The following HDAC9 variants were observed in gnomAD, a reference collection of about 807,000 sequenced individuals.
HDAC9 encodes histone deacetylase 9.
HDAC9 carries 41 observed loss-of-function variants against 139.4 expected under a neutral mutation model. The ratio of observed to expected loss-of-function variants is 0.29; its 90% CI spans 0.23 to 0.38. The LOEUF is 0.38. Among genes scored for constraint, HDAC9 ranks in the 10% least tolerant of loss-of-function variants. HDAC9 has a pLI of 1.00. For missense variants in HDAC9, 1,147 were observed against 1,297.0 expected, an observed-to-expected ratio of 0.88 and a Z score of 1.78; for synonymous variants, 517 against 476.2, an observed-to-expected ratio of 1.09 and a Z score of -1.12.
intron 2 of HDAC9, among the ~76,000 whole-genome samples, chr7:18,556,365 T>C (rs1274349003): frequency 6.6e-6 from 1 of 152,092 alleles, no homozygotes; most frequent in Non-Finnish European, 1.5e-5. Context: ...TCAATAATTA[T>C]CCATTGAGCA....
At chr7:18,243,884 G>A (rs964611227) in intron 2 of HDAC9, among the ~76,000 whole-genome samples, 9 of 152,202 alleles carry the variant, frequency 5.9e-5, no homozygotes, top group African/African-American at 1.9e-4. Flanking sequence ...AAGATGTTCA[G>A]GATTAGAAGG....
chr7:18,510,874 T>TA lies in HDAC9; in HGVS notation c.22+14551dup, dbSNP rs567626936. Reference sequence around the variant, plus strand: ...GAAAGGAATGGTATAGGGAATAAGATATAAATCTTTCAGGGTAGTCTTTTT... The same window carrying TA: ...GAAAGGAATGGTATAGGGAATAAGATAATAAATCTTTCAGGGTAGTCTTTTT... On this transcript the variant is annotated intron_variant, in intron 2 of 25. Transcript: ENST00000686413. 1.1e-3 allele frequency among the ~76,000 whole-genome samples: 172 copies of TA among 152,310 alleles called. 2 individuals are homozygous for TA. Among genetic ancestry groups the TA allele is most frequent in the Admixed American group, 0.011 (171 of 15,294 alleles).
chr7:18,954,372 C>T (rs1209558749), intron 24 of HDAC9, 142 bp downstream of exon 24: 4 of 653,664 alleles, frequency 6.1e-6, no homozygotes, highest in Non-Finnish European at 1.0e-5. Context: ...TAATGTGTTG[C>T]TCTTAATGCA....
At chr7:18,440,272 C>A (rs1791633759) in intron 1 of HDAC9, among the ~76,000 whole-genome samples, 1 of 151,478 alleles carries the variant, frequency 6.6e-6, no homozygotes. Context: ...GCAAACTCCG[C>A]CTCCCAGGTT....
chr7:18,857,632 T>A (rs1797789291), intron 21 of HDAC9, among the ~76,000 whole-genome samples: 1 of 152,148 alleles, frequency 6.6e-6, no homozygotes, highest in East Asian at 1.9e-4. Flanking sequence ...GAAATTTGTT[T>A]ACAGAGTTGC....
chr7:19,001,243 G>GA lies in HDAC9; in HGVS notation c.*5185dup, dbSNP rs1786733201. The GA allele has an allele frequency of 6.6e-6, 1 of 152,120 alleles. No individual in the cohort carries two copies. The highest frequency in any genetic ancestry group is 2.4e-5 in the African/African-American group (1 of 41,430). The allele number at this position is 152,120 out of a possible 1,614,324, so 9.4% of individuals were successfully genotyped here. A position where few individuals can be genotyped will look rare whatever the true frequency, so the allele number is the denominator to read the frequency against. The stretch of plus-strand genomic sequence containing the variant: ...CACAAGCATGAACTCTCACCTGAAA[G>GA]AAAACTGGAAAAGGAGAAACTTTAA... On this transcript the variant is annotated 3_prime_UTR_variant, in exon 26 of 26. Coordinates refer to ENST00000686413, the MANE Select transcript of HDAC9 (RefSeq NM_178425.4).
At chr7:18,956,788 T>C (rs1294513733) in intron 24 of HDAC9, among the ~76,000 whole-genome samples, 1 of 152,054 alleles carries the variant, frequency 6.6e-6, no homozygotes, top group Non-Finnish European at 1.5e-5. Context: ...CAGTGATTGG[T>C]TAAGAAATGG....
intron 2 of HDAC9, among the ~76,000 whole-genome samples, chr7:18,178,324 A>G (rs982621622): frequency 5.3e-5 from 8 of 152,236 alleles, no homozygotes; most frequent in Non-Finnish European, 1.2e-4. Flanking sequence ...ACCTCAGGCA[A>G]TCTGCATGCC....
chr7:18,877,537 A>G (rs1799411369), intron 22 of HDAC9, among the ~76,000 whole-genome samples: 1 of 152,210 alleles, frequency 6.6e-6, no homozygotes, highest in Non-Finnish European at 1.5e-5. Context: ...ATATTTGATA[A>G]TTACAGAGAG....
intron 22 of HDAC9, among the ~76,000 whole-genome samples, chr7:18,887,097 C>T (rs1028629248): frequency 6.6e-6 from 1 of 152,124 alleles, no homozygotes; most frequent in Non-Finnish European, 1.5e-5. Context: ...TCAAGGAAAT[C>T]TTGGGGAATG....
chr7:18,504,903 A>G (rs942946233), intron 2 of HDAC9, among the ~76,000 whole-genome samples: 1 of 152,224 alleles, frequency 6.6e-6, no homozygotes, highest in Non-Finnish European at 1.5e-5. Context: ...AATATTTAGC[A>G]TAGGATAATT....
intron 2 of HDAC9, among the ~76,000 whole-genome samples, chr7:18,574,598 G>A (rs1378764032): frequency 6.6e-6 from 1 of 152,192 alleles, no homozygotes; most frequent in African/African-American, 2.4e-5. Context: ...CATCAGTCAT[G>A]TTGTTCACGG....
intron 1 of HDAC9, among the ~76,000 whole-genome samples, chr7:18,435,059 C>CAAAAAAAAAAAACAA: frequency 1.5e-5 from 1 of 67,810 alleles, no homozygotes; most frequent in Non-Finnish European, 2.6e-5. Context: ...ACTACACAGC[C>CAAAAAAAAAAAACAA]AAAAAAAAAA....
chr7:18,666,340 G>C lies in HDAC9; in HGVS notation c.1595G>C (p.Ser532Thr), dbSNP rs749110115. 2 of 1,613,436 alleles carry C rather than the reference G, an allele frequency of 1.2e-6. No homozygotes were observed. The highest frequency in any genetic ancestry group is 3.3e-5 in the Admixed American group (2 of 59,968). ...CCCTCTAGTGGCAACAGCACTAGGA[G>C]CGACAGCAGTGCTTGTGTGGATGAC... The part of the protein sequence containing the change: ...RAPSSGNSTR[S>T]DSSACVDDTL... The change falls in exon 12 of 26, where the codon AGC (serine) becomes ACC (threonine). Residue 532 changes from serine (S) to threonine (T), a missense_variant. Ser to Thr is a moderately conservative substitution (Grantham distance 58, BLOSUM62 1). Around this residue, in one of 7 missense-constraint regions of HDAC9, gnomAD observed 256 missense variants for 219.2 expected, o/e 1.17. Transcript: ENST00000686413.
At chr7:18,088,413 A>G (rs1489556591) in intron 1 of HDAC9, among the ~76,000 whole-genome samples, 1 of 152,206 alleles carries the variant, frequency 6.6e-6, no homozygotes, top group Admixed American at 6.5e-5. Flanking sequence ...ATGTTTTCAA[A>G]TCTTGCAGGC....
chr7:18,804,413 G>A (rs914620002), intron 17 of HDAC9, among the ~76,000 whole-genome samples: 2 of 152,092 alleles, frequency 1.3e-5, no homozygotes, highest in Non-Finnish European at 2.9e-5. Flanking sequence ...TCATACACAC[G>A]TATGCATACG....
intron 1 of HDAC9, among the ~76,000 whole-genome samples, chr7:18,467,939 A>G (rs1794419115): frequency 6.6e-6 from 1 of 151,988 alleles, no homozygotes. Flanking sequence ...GAGTAGTACT[A>G]CTCAGATATT....
chr7:18,980,983 C>T (rs1784911904), intron 25 of HDAC9, among the ~76,000 whole-genome samples: 1 of 151,910 alleles, frequency 6.6e-6, no homozygotes, highest in Non-Finnish European at 1.5e-5. Context: ...GCCACCATGG[C>T]CAGCTAATTT....
chr7:18,386,994 C>T (rs1180738594), intron 1 of HDAC9, among the ~76,000 whole-genome samples: 1 of 152,144 alleles, frequency 6.6e-6, no homozygotes, highest in Non-Finnish European at 1.5e-5. Flanking sequence ...GTCTTTGTAA[C>T]CCTCTTGGGT....
Sources: gnomAD v4.1 joint callset for allele counts (sites outside exome capture counted in the v4.1 genomes callset) on GRCh38, gnomAD v4.1.1 for gene constraint, gnomAD v4.1.1 regional missense constraint, MANE v1.5 for transcripts, NCBI Gene and HGNC (gene_info 2026-07-23, HGNC 2026-07-21) for gene names.